NTM: variants seen among roughly 807,000 people sequenced by gnomAD.
NTM encodes the protein neurotrimin.
In NTM, 13 loss-of-function variants were observed where a neutral mutation model predicts 42.1. The ratio of observed to expected loss-of-function variants is 0.31; its 90% CI spans 0.20 to 0.49. The LOEUF (loss-of-function observed/expected upper bound fraction) is 0.49, where lower values mean the gene tolerates loss of function less well. Among genes scored for constraint, NTM ranks in the 20% least tolerant of loss-of-function variants. NTM has a pLI of 0.99. For synonymous variants in NTM, 187 were observed against 179.2 expected, an observed-to-expected ratio of 1.04 and a Z score of -0.35; for missense variants, 373 against 452.8, an observed-to-expected ratio of 0.82 and a Z score of 1.60.
chr11:131,868,720 A>C (rs2047469026), intron 1 of NTM, among the ~76,000 whole-genome samples: 1 of 152,160 alleles, frequency 6.6e-6, no homozygotes, highest in Non-Finnish European at 1.5e-5. Context: ...TTTTATTTCC[A>C]AATGACTCCT....
chr11:131,624,569 T>C (rs1322246555), intron 1 of NTM, among the ~76,000 whole-genome samples: 1 of 152,168 alleles, frequency 6.6e-6, no homozygotes, highest in Non-Finnish European at 1.5e-5. Context: ...TTCTATTATT[T>C]GCTGATTCAT....
chr11:132,166,059 A>C (rs1293899346), intron 3 of NTM, among the ~76,000 whole-genome samples: 1 of 152,036 alleles, frequency 6.6e-6, no homozygotes, highest in Non-Finnish European at 1.5e-5. Flanking sequence ...TTTATGGCCC[A>C]AGTTTTCCTT....
chr11:132,241,338 T>A (rs973694043), intron 4 of NTM, among the ~76,000 whole-genome samples: 35 of 152,358 alleles, frequency 2.3e-4, no homozygotes, highest in African/African-American at 8.2e-4. Flanking sequence ...CTATTTTATT[T>A]GGTTGATAAT....
chr11:131,567,564 G>A (rs2057024204), intron 1 of NTM, among the ~76,000 whole-genome samples: 1 of 152,162 alleles, frequency 6.6e-6, no homozygotes, highest in Admixed American at 6.5e-5. Context: ...TAAAAGACGT[G>A]TCCTATTGGA....
intron 1 of NTM, among the ~76,000 whole-genome samples, chr11:131,634,682 T>C (rs1224010204): frequency 3.9e-5 from 6 of 152,078 alleles, no homozygotes. Flanking sequence ...CAAACAGTCT[T>C]TAGTTTGAAT....
rs76608615 is a variant in NTM at position 131,384,292 on chromosome 11, A to G, written c.82+13404A>G. 9.9e-3 allele frequency among the ~76,000 whole-genome samples: 1,511 copies of G among 152,328 alleles called. 23 individuals are homozygous for G. Among genetic ancestry groups the G allele is most frequent in the African/African-American group, 0.034 (1,427 of 41,582 alleles). Reference sequence around the variant, plus strand: ...GAGGAGAAGGGATCTGGAAAAGCAGATTGACAAAAAGTGGACAAATACATA... The same window carrying G: ...GAGGAGAAGGGATCTGGAAAAGCAGGTTGACAAAAAGTGGACAAATACATA... On this transcript the variant is annotated intron_variant, in intron 1 of 8. Coordinates refer to ENST00000683400, the MANE Select transcript of NTM (RefSeq NM_001352005.2).
chr11:132,315,602 A>T (rs1364467983), intron 7 of NTM, among the ~76,000 whole-genome samples: 1 of 152,236 alleles, frequency 6.6e-6, no homozygotes, highest in African/African-American at 2.4e-5. Flanking sequence ...CATTTGACAG[A>T]TAATTTGCAA....
chr11:131,444,068 C>CCGTT lies in NTM; in HGVS notation c.82+73181_82+73184dup, dbSNP rs542707850. ...ATTAAATTGCAAGTTTTACAGTGAT[C>CCGTT]CGTTACAAAGTAATAGAAAACTTAC... On this transcript the variant is annotated intron_variant, in intron 1 of 8. Coordinates refer to ENST00000683400, the MANE Select transcript of NTM (RefSeq NM_001352005.2). Among the ~76,000 whole-genome samples, 3 of 151,890 alleles carry CCGTT rather than the reference C, an allele frequency of 2.0e-5. No homozygotes were observed. In the East Asian group the frequency reaches 5.8e-4, roughly 29 times the overall value.
intron 1 of NTM, among the ~76,000 whole-genome samples, chr11:131,426,208 C>A (rs1263514595): frequency 2.0e-5 from 3 of 152,202 alleles, no homozygotes; most frequent in African/African-American, 7.2e-5. Context: ...TGGCCATAAT[C>A]TGGGTGTCAG....
At chr11:132,133,262 G>T (rs569153724) in intron 2 of NTM, among the ~76,000 whole-genome samples, 2 of 152,012 alleles carry the variant, frequency 1.3e-5, no homozygotes, top group Non-Finnish European at 2.9e-5. Context: ...CTCCACACAC[G>T]TCTACTTTCT....
At chr11:132,028,477 CA>C (rs938799663) in intron 2 of NTM, among the ~76,000 whole-genome samples, 3 of 152,116 alleles carry the variant, frequency 2.0e-5, no homozygotes, top group African/African-American at 7.2e-5. Context: ...AATTTATTTT[CA>C]AATACCATCT....
chr11:131,507,406 A>G (rs932199124), intron 1 of NTM, among the ~76,000 whole-genome samples: 7 of 151,198 alleles, frequency 4.6e-5, no homozygotes, highest in African/African-American at 1.2e-4. Flanking sequence ...GTTCTGTTCC[A>G]TTGATCTATA....
At position 132,137,715 on chromosome 11, in the gene NTM, A is replaced by G. The variant is rs950913199; in HGVS notation, c.168-8567A>G. Reference sequence around the variant, plus strand: ...CCTGAAGGGATAAGGGGAAGAGGTCATGGCTGCCACCAGACTTTGATGGAG... The same window carrying G: ...CCTGAAGGGATAAGGGGAAGAGGTCGTGGCTGCCACCAGACTTTGATGGAG... On this transcript the variant is annotated intron_variant, in intron 2 of 8. Transcript: ENST00000683400. Among the ~76,000 whole-genome samples the G allele has an allele frequency of 3.3e-5, 5 of 152,296 alleles. No individual in the cohort carries two copies. In the South Asian group the frequency reaches 6.2e-4, roughly 19 times the overall value.
chr11:132,197,426 C>A, intron 3 of NTM, among the ~76,000 whole-genome samples: 1 of 151,112 alleles, frequency 6.6e-6, no homozygotes, highest in East Asian at 1.9e-4. Context: ...TGTAAATAAT[C>A]TAAATTACCA....
intron 1 of NTM, among the ~76,000 whole-genome samples, chr11:131,685,465 A>G (rs1355814451): frequency 6.6e-6 from 1 of 152,098 alleles, no homozygotes; most frequent in Non-Finnish European, 1.5e-5. Flanking sequence ...CTGACCCTCT[A>G]TTTACTCTGC....
chr11:132,016,490 G>T (rs929606441), intron 2 of NTM, among the ~76,000 whole-genome samples: 9 of 151,546 alleles, frequency 5.9e-5, no homozygotes, highest in South Asian at 2.1e-4. Flanking sequence ...CCTTCTTATT[G>T]TGTAATAATA....
chr11:131,737,143 T>A (rs1169953025), intron 1 of NTM, among the ~76,000 whole-genome samples: 1 of 152,184 alleles, frequency 6.6e-6, no homozygotes, highest in Non-Finnish European at 1.5e-5. Flanking sequence ...TTCTGATGGA[T>A]CTGGCATCTT....
chr11:131,920,325 A>G (rs2057039083), intron 2 of NTM, among the ~76,000 whole-genome samples: 1 of 152,118 alleles, frequency 6.6e-6, no homozygotes, highest in Admixed American at 6.6e-5. Context: ...ATATCTCCTG[A>G]TGATTGGGAG....
chr11:132,130,334 ATGGAATG>A lies in NTM; in HGVS notation c.168-15944_168-15938del, dbSNP rs1357894014. Among the ~76,000 whole-genome samples, 3 of 152,254 alleles carry A rather than the reference ATGGAATG, an allele frequency of 2.0e-5. No individual in the cohort carries two copies. In the East Asian group the frequency reaches 5.8e-4, roughly 29 times the overall value. Reference sequence around the variant, plus strand: ...AGAGAAAGTCATAAGATCAAGAGGTATGGAATGTGGCTCTCAAGTGGAAAAAAAAAGG... The same window carrying A: ...AGAGAAAGTCATAAGATCAAGAGGTATGGCTCTCAAGTGGAAAAAAAAAGG... On this transcript the variant is annotated intron_variant, in intron 2 of 8. Coordinates refer to ENST00000683400, the MANE Select transcript of NTM (RefSeq NM_001352005.2).
Sources: allele counts gnomAD v4.1 joint callset (sites outside exome capture counted in the v4.1 genomes callset), GRCh38; gene constraint gnomAD v4.1.1; transcripts MANE v1.5; gene names NCBI Gene and HGNC (gene_info 2026-07-23, HGNC 2026-07-21).